The following MARCHF4 variants were observed in gnomAD, a reference collection of about 807,000 sequenced individuals.
The protein encoded by MARCHF4 is E3 ubiquitin-protein ligase MARCHF4.
MARCHF4 carries 14 observed loss-of-function variants against 43.9 expected under a neutral mutation model. The observed-to-expected ratio is 0.32, with a 90% CI of 0.21 to 0.50. The LOEUF (loss-of-function observed/expected upper bound fraction) is 0.50, where lower values mean the gene tolerates loss of function less well. Among genes scored for constraint, MARCHF4 ranks in the 20% least tolerant of loss-of-function variants. MARCHF4 has a pLI of 0.98. For missense variants in MARCHF4, 468 were observed against 536.7 expected (o/e 0.87, Z 1.27); for synonymous variants, 226 against 213.3 (o/e 1.06, Z -0.52).
intron 1 of MARCHF4, among the ~76,000 whole-genome samples, chr2:216,315,557 T>G (rs1691760268): frequency 6.6e-6 from 1 of 152,154 alleles, no homozygotes; most frequent in Non-Finnish European, 1.5e-5. Flanking sequence ...TACAGTGAAG[T>G]TATTAAGAAG....
intron 2 of MARCHF4, among the ~76,000 whole-genome samples, chr2:216,278,252 T>C (rs895430983): frequency 1.3e-5 from 2 of 152,026 alleles, no homozygotes; most frequent in African/African-American, 4.8e-5. Context: ...TGAGATGGAG[T>C]CTTTGCTCTG....
chr2:216,350,162 C>T (rs570830070), intron 1 of MARCHF4, among the ~76,000 whole-genome samples: 15 of 151,924 alleles, frequency 9.9e-5, no homozygotes, highest in African/African-American at 2.9e-4. Context: ...CCATGCTATG[C>T]CATGGCATTA....
intron 1 of MARCHF4, among the ~76,000 whole-genome samples, chr2:216,306,509 T>C (rs1257994815): frequency 6.6e-6 from 1 of 152,220 alleles, no homozygotes; most frequent in Non-Finnish European, 1.5e-5. Flanking sequence ...CATTATAATC[T>C]TCTGCCAGAT....
intron 1 of MARCHF4, among the ~76,000 whole-genome samples, chr2:216,358,732 C>G (rs1007045890): frequency 2.6e-5 from 4 of 152,156 alleles, no homozygotes; most frequent in Non-Finnish European, 2.9e-5. Flanking sequence ...GGAAAAAAAG[C>G]CTTCATCTTT....
At chr2:216,310,437 A>C (rs1691666089) in intron 1 of MARCHF4, among the ~76,000 whole-genome samples, 1 of 151,530 alleles carries the variant, frequency 6.6e-6, no homozygotes, top group African/African-American at 2.4e-5. Flanking sequence ...AATTTTTCTA[A>C]ATTATTTATA....
chr2:216,269,486 T>C (rs529973846), intron 3 of MARCHF4, among the ~76,000 whole-genome samples: 1 of 152,288 alleles, frequency 6.6e-6, no homozygotes, highest in Non-Finnish European at 1.5e-5. Context: ...GAAAAAGCAC[T>C]ACTCCAAATA....
intron 1 of MARCHF4, among the ~76,000 whole-genome samples, chr2:216,333,312 T>C (rs1244052657): frequency 6.6e-6 from 1 of 152,164 alleles, no homozygotes; most frequent in African/African-American, 2.4e-5. Flanking sequence ...CAGCTAACCC[T>C]GTAGAAAAAT....
chr2:216,316,483 CG>C (rs1286688932), intron 1 of MARCHF4, among the ~76,000 whole-genome samples: 3 of 151,996 alleles, frequency 2.0e-5, no homozygotes, highest in African/African-American at 7.3e-5. Flanking sequence ...ATTTCTAGAA[CG>C]GGGTATTGCA....
At chr2:216,261,396 A>G (rs767524699) in intron 3 of MARCHF4, among the ~76,000 whole-genome samples, 6 of 151,964 alleles carry the variant, frequency 3.9e-5, no homozygotes, top group Non-Finnish European at 8.8e-5. Flanking sequence ...CTGTCATCAG[A>G]TCTCCCTCTC....
At chr2:216,339,962 G>T (rs540687298) in intron 1 of MARCHF4, among the ~76,000 whole-genome samples, 1 of 151,994 alleles carries the variant, frequency 6.6e-6, no homozygotes, top group Admixed American at 6.6e-5. Flanking sequence ...AGCAGCAGCT[G>T]GCTCCCTCCC....
chr2:216,266,381 G>A (rs1690845734), intron 3 of MARCHF4, among the ~76,000 whole-genome samples: 1 of 152,094 alleles, frequency 6.6e-6, no homozygotes, highest in Non-Finnish European at 1.5e-5. Flanking sequence ...TATCGTGGGG[G>A]AGATTACAGG....
rs139635545 is a variant in MARCHF4, at chr2:216,301,020, G to A, written c.517-17291C>T. Among the ~76,000 whole-genome samples the A allele has an allele frequency of 2.2e-3, 335 of 152,284 alleles. 2 individuals carry two copies. Among genetic ancestry groups the A allele is most frequent in the African/African-American group, 8.0e-3 (331 of 41,560 alleles). On this transcript the variant is annotated intron_variant, in intron 1 of 3. Coordinates refer to ENST00000273067, the MANE Select transcript of MARCHF4 (RefSeq NM_020814.3). ...TGGGGATAGGATAAGTATCCTGGCC[G>A]CTCCTTAGCTAATCAGGCTCCAGAA...
rs1332320066 is a variant in MARCHF4, at chr2:216,259,569, G to C, written c.976C>G (p.Gln326Glu). The C allele has an allele frequency of 1.9e-6, 3 of 1,614,218 alleles. No individual in the cohort carries two copies. The South Asian group carries it at 3.3e-5, about 18-fold the overall frequency. The part of the protein sequence containing the change: ...NYDKTKDLED[Q>E]KAGGRTNPRT... ...GGGTTGGTCCTGCCTCCTGCCTTTT[G>C]ATCCTCCAGGTCTTTTGTCTTGTCA... Residue 326 changes from glutamine to glutamate, a missense_variant, in exon 4 of 4, where the codon CAA (glutamine) becomes GAA (glutamate). Physicochemically the swap from Gln to Glu is conservative, Grantham distance 29. Coordinates refer to ENST00000273067, the MANE Select transcript of MARCHF4 (RefSeq NM_020814.3).
intron 1 of MARCHF4, among the ~76,000 whole-genome samples, chr2:216,296,975 G>A (rs556433117): frequency 1.2e-4 from 18 of 152,284 alleles, no homozygotes; most frequent in Middle Eastern, 3.4e-3. Flanking sequence ...GGTGATAGCC[G>A]TGCCAGAGTC....
intron 1 of MARCHF4, chr2:216,321,841 A>T (rs1691900758): frequency 1.3e-5 from 2 of 152,212 alleles, no homozygotes; most frequent in Admixed American, 6.5e-5. Flanking sequence ...ACTCAGAAAA[A>T]GAAGCCCATT....
At chr2:216,290,963 T>G (rs887844424) in intron 1 of MARCHF4, among the ~76,000 whole-genome samples, 1 of 152,146 alleles carries the variant, frequency 6.6e-6, no homozygotes, top group South Asian at 2.1e-4. Flanking sequence ...ACGTAAGTAC[T>G]GAGATACATG....
intron 1 of MARCHF4, among the ~76,000 whole-genome samples, chr2:216,337,875 C>T (rs995757767): frequency 1.1e-4 from 16 of 152,110 alleles, no homozygotes; most frequent in African/African-American, 3.9e-4. Flanking sequence ...GGCAGGCACT[C>T]AAGGAGCAAA....
intron 1 of MARCHF4, among the ~76,000 whole-genome samples, chr2:216,304,552 C>T (rs529543086): frequency 1.3e-5 from 2 of 152,328 alleles, no homozygotes; most frequent in South Asian, 2.1e-4. Context: ...TGTCCTAATT[C>T]TCCTTGCACT....
At chr2:216,320,607 TTTTCTTTCTTTCTTTCTTTCTTTC>T (rs552086212) in intron 1 of MARCHF4, among the ~76,000 whole-genome samples, 4,882 of 112,134 alleles carry the variant, frequency 0.044, 191 homozygotes, top group Non-Finnish European at 0.067. Flanking sequence ...TATAGCCTCT[TTTTCTTTCTTTCTTTCTTTCTTTC>T]TTTCTTTCTT....
Sources: allele counts gnomAD v4.1 joint callset (sites outside exome capture counted in the v4.1 genomes callset), GRCh38; gene constraint gnomAD v4.1.1; transcripts MANE v1.5; gene names NCBI Gene and HGNC (gene_info 2026-07-23, HGNC 2026-07-21).